The following FRA10AC1 variants were observed in gnomAD, a reference collection of about 807,000 sequenced individuals.
FRA10AC1 encodes the protein protein FRA10AC1.
FRA10AC1 carries 43 observed loss-of-function variants against 56.5 expected under a neutral mutation model. The ratio of observed to expected loss-of-function variants is 0.76; its 90% CI spans 0.60 to 0.98. The LOEUF (loss-of-function observed/expected upper bound fraction) is 0.98, where lower values mean the gene tolerates loss of function less well. Among genes scored for constraint, FRA10AC1 ranks in the 50% least tolerant of loss-of-function variants. The pLI is 0.00. For missense variants in FRA10AC1, 346 were observed against 351.8 expected, an observed-to-expected ratio of 0.98 and a Z score of 0.13; for synonymous variants, 112 against 110.5, an observed-to-expected ratio of 1.01 and a Z score of -0.09.
chr10:93,669,560 G>C lies in FRA10AC1; in HGVS notation c.*266C>G, dbSNP rs1193946908. On this transcript the variant is annotated 3_prime_UTR_variant, in exon 14 of 14. Transcript: ENST00000359204. ...ACAAAATGTAGGAACAATGGAATCT[G>C]TCCAGCTCTATCCTCTAGGAGCTAC... The C allele has an allele frequency of 2.6e-6, 1 of 388,638 alleles. No individual in the cohort carries two copies. The highest frequency in any genetic ancestry group is 4.6e-6 in the Non-Finnish European group (1 of 217,942). 24.1% of individuals were successfully genotyped at this position (388,638 alleles called of 1,614,324 possible).
chr10:93,670,914 CCAATA>C (rs1264925853), intron 12 of FRA10AC1, 66 bp from the exon 13 acceptor site: 36 of 1,022,472 alleles, frequency 3.5e-5, no homozygotes, highest in African/African-American at 4.8e-5. Context: ...GAATTATTCG[CCAATA>C]CAATTAACTT....
chr10:93,693,482 G>GTATATA lies in FRA10AC1; in HGVS notation c.297-759_297-754dup, dbSNP rs777454590. Among the ~76,000 whole-genome samples the GTATATA allele has an allele frequency of 7.4e-4, 27 of 36,292 alleles. 2 individuals are homozygous for GTATATA. The highest frequency in any genetic ancestry group is 1.4e-3 in the Non-Finnish European group (18 of 12,696). 23.8% of individuals were successfully genotyped at this position (36,292 alleles called of 152,430 possible). ...TGGATAAAGAAAATGTGGTGTGTGT[G>GTATATA]TATATATATATATATATATATATAT... On this transcript the variant is annotated intron_variant, in intron 5 of 13. Coordinates refer to ENST00000359204, the MANE Select transcript of FRA10AC1 (RefSeq NM_145246.5).
At chr10:93,698,255 G>T (rs373947112) in intron 3 of FRA10AC1, 46 bp downstream of exon 3, 2 of 1,513,824 alleles carry the variant, frequency 1.3e-6, no homozygotes, top group Non-Finnish European at 1.8e-6. Flanking sequence ...CCCCTAATCC[G>T]AAGCAACTTA....
rs933734974 is a variant in FRA10AC1, at chr10:93,675,156, G to C, written c.826+1497C>G. 6 of 152,222 alleles carry C rather than the reference G, an allele frequency of 3.9e-5. No homozygotes were observed. In the East Asian group the frequency reaches 9.6e-4, roughly 24 times the overall value. The allele number at this position is 152,222 out of a possible 1,614,324, so 9.4% of individuals were successfully genotyped here. A position where few individuals can be genotyped will look rare whatever the true frequency, so the allele number is the denominator to read the frequency against. On this transcript the variant is annotated intron_variant, in intron 12 of 13. Transcript: ENST00000359204. ...TAAGGAATATACTATATTCCTAAGA[G>C]AGGAATACCTCCATCAACATCTCCC...
intron 12 of FRA10AC1, chr10:93,674,582 C>T (rs1402441684): frequency 6.6e-6 from 1 of 152,074 alleles, no homozygotes; most frequent in Non-Finnish European, 1.5e-5. Flanking sequence ...AGGGGTTTCT[C>T]AGATTGGATA....
Position 93,684,141 on chromosome 10 carries a change from C to T in FRA10AC1, c.626-43G>A, listed in dbSNP as rs750186386. 3.6e-6 allele frequency: 5 copies of T among 1,386,756 alleles called. No individual in the cohort carries two copies. The Admixed American group carries it at 8.6e-5, about 24-fold the overall frequency. 85.9% of individuals were successfully genotyped at this position (1,386,756 alleles called of 1,614,324 possible). A position where few individuals can be genotyped will look rare whatever the true frequency, so the allele number is the denominator to read the frequency against. ...CACTGAATGGCTGATTTTGAATAAC[C>T]ACACTGCTAATCTACTTTTAATATC... is the stretch of plus-strand genomic sequence containing the variant. On this transcript the variant is annotated intron_variant, in intron 9 of 13. Transcript: ENST00000359204.
chr10:93,700,475 T>C (rs1185979701), intron 1 of FRA10AC1, among the ~76,000 whole-genome samples: 1 of 152,226 alleles, frequency 6.6e-6, no homozygotes, highest in Non-Finnish European at 1.5e-5. Context: ...CCAACTTTGT[T>C]CTAGACATTG....
intron 12 of FRA10AC1, chr10:93,671,091 T>C (rs1479859925): frequency 7.7e-6 from 3 of 389,868 alleles, no homozygotes; most frequent in Non-Finnish European, 1.4e-5. Context: ...TTCTCTAAGT[T>C]ACACTGAGTT....
intron 9 of FRA10AC1, 135 bp from the exon 10 acceptor site, chr10:93,684,233 T>C (rs943867037): frequency 4.8e-6 from 3 of 626,558 alleles, no homozygotes; most frequent in Admixed American, 2.6e-5. Context: ...AAGAAAACAA[T>C]CTGACCTTCA....
intron 4 of FRA10AC1, 24 bp downstream of exon 4, chr10:93,698,112 A>C (rs1437223133): frequency 7.1e-7 from 1 of 1,401,010 alleles, no homozygotes; most frequent in South Asian, 1.4e-5. Flanking sequence ...TAGTTATAAA[A>C]ATCTGGAAAT....
intron 11 of FRA10AC1, 148 bp downstream of exon 11, chr10:93,681,332 A>G (rs1427289032): frequency 3.2e-5 from 18 of 561,518 alleles, no homozygotes; most frequent in Non-Finnish European, 5.2e-5. Flanking sequence ...AGTCACTTTA[A>G]GTTCATATCT....
intron 12 of FRA10AC1, chr10:93,673,369 C>T: frequency 2.2e-6 from 1 of 456,590 alleles, no homozygotes; most frequent in Non-Finnish European, 4.4e-6. Flanking sequence ...GTTCCTCCAA[C>T]ATTCTTCCTA....
At position 93,700,126 on chromosome 10, in the gene FRA10AC1, C is replaced by A; in HGVS notation, c.1-20G>T. On this transcript the variant is annotated intron_variant, in intron 1 of 13. Transcript: ENST00000359204. Reference sequence around the variant, plus strand: ...ATGCATCTGTAAAGGAGTACAAAGTCAGCTATTTAGAATCTATGTTGCCAA... The same window carrying A: ...ATGCATCTGTAAAGGAGTACAAAGTAAGCTATTTAGAATCTATGTTGCCAA... 1 of 1,435,752 alleles carries A rather than the reference C, an allele frequency of 7.0e-7. No homozygotes were observed. The highest frequency in any genetic ancestry group is 9.7e-7 in the Non-Finnish European group (1 of 1,033,608). The allele number at this position is 1,435,752 out of a possible 1,614,324, so 88.9% of individuals were successfully genotyped here. A position where few individuals can be genotyped will look rare whatever the true frequency, so the allele number is the denominator to read the frequency against.
chr10:93,682,782 G>A (rs2058958843), intron 10 of FRA10AC1, among the ~76,000 whole-genome samples: 1 of 152,074 alleles, frequency 6.6e-6, no homozygotes, highest in Non-Finnish European at 1.5e-5. Flanking sequence ...TTCAGCCTAG[G>A]CAACAGAGTG....
At chr10:93,679,733 G>A (rs1377115494) in intron 11 of FRA10AC1, among the ~76,000 whole-genome samples, 1 of 152,086 alleles carries the variant, frequency 6.6e-6, no homozygotes, top group African/African-American at 2.4e-5. Context: ...CTGATTTATG[G>A]AGAATGGATT....
chr10:93,685,572 G>T, intron 8 of FRA10AC1: 21 of 359,606 alleles, frequency 5.8e-5, no homozygotes, highest in Non-Finnish European at 7.9e-5. Flanking sequence ...ATTCTTGCTT[G>T]ATAGACTGTA....
chr10:93,692,848 G>T, intron 5 of FRA10AC1, 119 bp from the exon 6 acceptor site: 1 of 553,160 alleles, frequency 1.8e-6, no homozygotes, highest in Non-Finnish European at 3.1e-6. Flanking sequence ...ATAGTTTTTT[G>T]GTGAGTATAA....
rs368570505 is a variant in FRA10AC1 at position 93,673,739 on chromosome 10, T to C, written c.827-2891A>G. 451 of 441,968 alleles carry C rather than the reference T, an allele frequency of 1.0e-3. 5 individuals are homozygous for C. The highest frequency in any genetic ancestry group is 7.0e-3 in the South Asian group (438 of 62,658). 27.4% of individuals were successfully genotyped at this position (441,968 alleles called of 1,614,324 possible). A position where few individuals can be genotyped will look rare whatever the true frequency, so the allele number is the denominator to read the frequency against. On this transcript the variant is annotated intron_variant, in intron 12 of 13. Transcript: ENST00000359204. ...AGCTACAGGTTATCAAGGACTTACT[T>C]TGCGTCAGGCACATACTTTACATGT...
chr10:93,695,804 T>C (rs1179334651), intron 4 of FRA10AC1, among the ~76,000 whole-genome samples: 2 of 151,976 alleles, frequency 1.3e-5, no homozygotes, highest in Non-Finnish European at 2.9e-5. Flanking sequence ...GATCTACCAC[T>C]AACTGGTCAC....
Sources: gnomAD v4.1 joint callset for allele counts (sites outside exome capture counted in the v4.1 genomes callset) on GRCh38, gnomAD v4.1.1 for gene constraint, MANE v1.5 for transcripts, NCBI Gene and HGNC (gene_info 2026-07-23, HGNC 2026-07-21) for gene names.